Variants in COX7B2 observed in about 807,000 individuals in gnomAD.
COX7B2 encodes the protein cytochrome c oxidase subunit 7B2, mitochondrial.
For synonymous variants in COX7B2, 37 were observed against 32.1 expected, an observed-to-expected ratio of 1.15 and a Z score of -0.51; for missense variants, 109 against 95.9, an observed-to-expected ratio of 1.14 and a Z score of -0.57.
intron 2 of COX7B2, among the ~76,000 whole-genome samples, chr4:46,821,881 G>A (rs937193687): frequency 3.3e-5 from 5 of 151,968 alleles, no homozygotes; most frequent in Non-Finnish European, 7.4e-5. Flanking sequence ...TAGAGGTACA[G>A]AGGTTATTCA....
chr4:46,860,642 T>A (rs1036610592), intron 1 of COX7B2, among the ~76,000 whole-genome samples: 5 of 152,194 alleles, frequency 3.3e-5, no homozygotes, highest in African/African-American at 1.2e-4. Flanking sequence ...TAGACAGAAG[T>A]ACATCTGACC....
chr4:46,885,426 C>A (rs563200595), intron 1 of COX7B2, among the ~76,000 whole-genome samples: 2 of 152,166 alleles, frequency 1.3e-5, no homozygotes, highest in African/African-American at 4.8e-5. Flanking sequence ...TGTAATAGTG[C>A]AGTTGGATAA....
chr4:46,809,689 G>A (rs1719188904), intron 2 of COX7B2, among the ~76,000 whole-genome samples: 1 of 151,752 alleles, frequency 6.6e-6, no homozygotes, highest in Admixed American at 6.6e-5. Context: ...ACCTAACATT[G>A]TTTCATGTAT....
intron 2 of COX7B2, among the ~76,000 whole-genome samples, chr4:46,830,196 T>A (rs1007259964): frequency 6.6e-6 from 1 of 151,690 alleles, no homozygotes; most frequent in Non-Finnish European, 1.5e-5. Context: ...TGGTGGTGTG[T>A]GCCTGTAATC....
At chr4:46,787,861 G>A (rs1030508700) in intron 2 of COX7B2, among the ~76,000 whole-genome samples, 1 of 152,038 alleles carries the variant, frequency 6.6e-6, no homozygotes, top group Non-Finnish European at 1.5e-5. Context: ...GAGTTTTAGA[G>A]GCTTTTATTT....
At chr4:46,905,523 A>G (rs537228862) in intron 1 of COX7B2, among the ~76,000 whole-genome samples, 4 of 152,318 alleles carry the variant, frequency 2.6e-5, no homozygotes, top group East Asian at 1.9e-4. Context: ...TATCAATACG[A>G]TAATTTTGAC....
At chr4:46,765,930 C>T (rs1716507053) in intron 2 of COX7B2, among the ~76,000 whole-genome samples, 3 of 152,102 alleles carry the variant, frequency 2.0e-5, no homozygotes, top group South Asian at 4.1e-4. Context: ...GGGATCTAGT[C>T]TTCAGGCCTA....
At chr4:46,825,517 A>C (rs966276192) in intron 2 of COX7B2, among the ~76,000 whole-genome samples, 1 of 152,166 alleles carries the variant, frequency 6.6e-6, no homozygotes, top group African/African-American at 2.4e-5. Flanking sequence ...TCTTCACAGA[A>C]CTAGAAAAAA....
intron 2 of COX7B2, among the ~76,000 whole-genome samples, chr4:46,781,884 C>T (rs995064103): frequency 1.9e-4 from 29 of 152,214 alleles, no homozygotes; most frequent in Middle Eastern, 3.2e-3. Context: ...GGGCCTCAGC[C>T]GCCTCCCCGT....
At chr4:46,801,433 C>T (rs1156396271) in intron 2 of COX7B2, among the ~76,000 whole-genome samples, 1 of 152,104 alleles carries the variant, frequency 6.6e-6, no homozygotes, top group East Asian at 1.9e-4. Flanking sequence ...TTTGCAGCAA[C>T]ACAGATGTAG....
At chr4:46,881,008 A>AAAAATAAAAAAT (rs1560435071) in intron 1 of COX7B2, among the ~76,000 whole-genome samples, 1 of 151,518 alleles carries the variant, frequency 6.6e-6, no homozygotes, top group African/African-American at 2.4e-5. Context: ...AAAAAAAAAA[A>AAAAATAAAAAAT]AAACTCTTGG....
intron 2 of COX7B2, among the ~76,000 whole-genome samples, chr4:46,772,933 T>G (rs1257437650): frequency 1.3e-5 from 2 of 152,122 alleles, no homozygotes; most frequent in Non-Finnish European, 2.9e-5. Context: ...AATATTTTTT[T>G]GATTGTTGAC....
intron 1 of COX7B2, among the ~76,000 whole-genome samples, chr4:46,858,426 A>G (rs140339532): frequency 2.2e-4 from 34 of 152,222 alleles, no homozygotes; most frequent in Admixed American, 1.2e-3. Flanking sequence ...ATATTGGTAC[A>G]CTAATGCAAG....
chr4:46,854,683 A>C (rs1248990227), intron 1 of COX7B2, among the ~76,000 whole-genome samples: 1 of 152,202 alleles, frequency 6.6e-6, no homozygotes, highest in Admixed American at 6.6e-5. Flanking sequence ...ATGTATCAAA[A>C]GATGTTTATT....
chr4:46,845,206 C>T (rs891792752), intron 1 of COX7B2, among the ~76,000 whole-genome samples, 192 bp from the exon 2 acceptor site: 2 of 151,970 alleles, frequency 1.3e-5, no homozygotes, highest in Non-Finnish European at 2.9e-5. Flanking sequence ...TCGTAAAGCA[C>T]ATGACAAGGG....
At chr4:46,752,628 AG>A (rs1283280503) in intron 2 of COX7B2, among the ~76,000 whole-genome samples, 3 of 152,142 alleles carry the variant, frequency 2.0e-5, no homozygotes, top group Non-Finnish European at 4.4e-5. Flanking sequence ...TTTAGCATAA[AG>A]GGCTGTTGAA....
chr4:46,813,032 A>T (rs1719366975), intron 2 of COX7B2, among the ~76,000 whole-genome samples: 1 of 152,014 alleles, frequency 6.6e-6, no homozygotes, highest in South Asian at 2.1e-4. Context: ...GACTGTCCCC[A>T]CAGTTAAAAG....
intron 1 of COX7B2, among the ~76,000 whole-genome samples, chr4:46,869,010 T>G (rs945941419): frequency 6.6e-6 from 1 of 152,222 alleles, no homozygotes; most frequent in Admixed American, 6.5e-5. Context: ...AGTCTATGTC[T>G]CTTTGTAGGT....
At chr4:46,759,006 A>T (rs1200621945) in intron 2 of COX7B2, among the ~76,000 whole-genome samples, 1 of 152,128 alleles carries the variant, frequency 6.6e-6, no homozygotes, top group Non-Finnish European at 1.5e-5. Flanking sequence ...TGGAACCACA[A>T]ACTGGCCCTC....
Sources: gnomAD v4.1 joint callset for allele counts (sites outside exome capture counted in the v4.1 genomes callset) on GRCh38, gnomAD v4.1.1 for gene constraint, MANE v1.5 for transcripts, NCBI Gene and HGNC (gene_info 2026-07-23, HGNC 2026-07-21) for gene names.